CNTN1: variants seen among roughly 807,000 people sequenced by gnomAD.
CNTN1 encodes contactin 1, also known as contactin-1.
In CNTN1, 38 loss-of-function variants were observed where a neutral mutation model predicts 126.4. That is an observed-to-expected ratio of 0.30 (90% CI 0.23 to 0.39). The LOEUF (loss-of-function observed/expected upper bound fraction) is 0.39. CNTN1 is among the 10% of genes least tolerant of loss of function. The pLI is 1.00. For missense variants in CNTN1, 1,009 were observed against 1,248.4 expected (o/e 0.81, Z 2.89); for synonymous variants, 413 against 422.6 (o/e 0.98, Z 0.28).
intron 1 of CNTN1, among the ~76,000 whole-genome samples, chr12:40,769,743 A>T (rs1019514279): frequency 2.8e-4 from 43 of 152,040 alleles, no homozygotes; most frequent in African/African-American, 1.0e-3. Flanking sequence ...AGTTCCCTTA[A>T]ATTTTGCACC....
At chr12:41,030,543 A>G (rs1949126136) in intron 23 of CNTN1, among the ~76,000 whole-genome samples, 1 of 152,174 alleles carries the variant, frequency 6.6e-6, no homozygotes, top group Non-Finnish European at 1.5e-5. Context: ...CACTCTGTAT[A>G]CATATATAAT....
At chr12:40,921,554 TATG>T (rs1281873326) in intron 4 of CNTN1, among the ~76,000 whole-genome samples, 1 of 152,214 alleles carries the variant, frequency 6.6e-6, no homozygotes, top group African/African-American at 2.4e-5. Flanking sequence ...CTTATATTGT[TATG>T]ATATTATGTG....
At chr12:40,838,054 C>T (rs546883624) in intron 1 of CNTN1, among the ~76,000 whole-genome samples, 1 of 152,352 alleles carries the variant, frequency 6.6e-6, no homozygotes, top group African/African-American at 2.4e-5. Context: ...ACCCCACCCA[C>T]AATGGTTGGT....
chr12:40,809,497 T>C (rs1424374737), intron 1 of CNTN1, among the ~76,000 whole-genome samples: 1 of 152,094 alleles, frequency 6.6e-6, no homozygotes, highest in African/African-American at 2.4e-5. Context: ...CTTGAACCTA[T>C]AGTCAAGTAA....
At chr12:40,778,964 A>G (rs140143998) in intron 1 of CNTN1, among the ~76,000 whole-genome samples, 1 of 151,788 alleles carries the variant, frequency 6.6e-6, no homozygotes, top group Non-Finnish European at 1.5e-5. Flanking sequence ...AGTAGTTGAA[A>G]CCTTTCCTTT....
At chr12:40,888,195 T>C (rs1032056212) in intron 1 of CNTN1, among the ~76,000 whole-genome samples, 3 of 152,126 alleles carry the variant, frequency 2.0e-5, no homozygotes, top group African/African-American at 7.2e-5. Flanking sequence ...TATCCTAATT[T>C]ATAGTGATAA....
At chr12:40,748,491 AGATT>A (rs931919664) in intron 1 of CNTN1, among the ~76,000 whole-genome samples, 3 of 152,128 alleles carry the variant, frequency 2.0e-5, no homozygotes, top group African/African-American at 7.2e-5. Context: ...AACTTTCTAA[AGATT>A]GATTGTGCAC....
intron 1 of CNTN1, among the ~76,000 whole-genome samples, chr12:40,754,651 AT>A (rs1361688111): frequency 6.6e-6 from 1 of 151,924 alleles, no homozygotes. Context: ...TCTAACAGTT[AT>A]TTGTATTTTG....
At chr12:40,882,329 A>T (rs1565879966) in intron 1 of CNTN1, among the ~76,000 whole-genome samples, 1 of 151,810 alleles carries the variant, frequency 6.6e-6, no homozygotes. Flanking sequence ...ATACCTCATC[A>T]GTATATTTAT....
intron 1 of CNTN1, among the ~76,000 whole-genome samples, chr12:40,864,970 G>T (rs911674361): frequency 3.3e-5 from 5 of 152,066 alleles, no homozygotes; most frequent in African/African-American, 4.8e-5. Flanking sequence ...ATGAATAAAG[G>T]TTCCTTTTTC....
At chr12:40,984,553 T>C (rs278919) in intron 16 of CNTN1, among the ~76,000 whole-genome samples, 73,877 of 151,980 alleles carry the variant, frequency 0.49, 17,972 homozygotes, top group Admixed American at 0.51. Flanking sequence ...AGTTCTTGCA[T>C]GAGCTAATAA....
rs1313032406 is a variant in CNTN1, at chr12:41,025,185, T to A, written c.2559T>A (p.Ala853=). The change falls in exon 21 of 24, where the codon GCT becomes GCA. Residue 853 remains alanine (A), a synonymous_variant. Coordinates refer to ENST00000551295, the MANE Select transcript of CNTN1 (RefSeq NM_001843.4). ...RYWAAHDKEE[A]ANRVQVTSQE... ...GGGCTGCCCATGACAAAGAAGAAGC[T>A]GCAAACAGAGTTCAAGTCACCAGCC... 1.2e-6 allele frequency: 2 copies of A among 1,613,942 alleles called. No individual in the cohort carries two copies.
rs566108116 is a variant in CNTN1 at position 40,713,514 on chromosome 12, T to C, written c.-77+20922T>C. On this transcript the variant is annotated intron_variant, in intron 1 of 23. Coordinates refer to ENST00000551295, the MANE Select transcript of CNTN1 (RefSeq NM_001843.4). ...AGTGATTTCTGTTTCTTTATGCTAATAACCTATTGATTATTTGGAATATTA... is the reference window on the plus strand; with the variant it reads ...AGTGATTTCTGTTTCTTTATGCTAACAACCTATTGATTATTTGGAATATTA... 2.0e-5 allele frequency among the ~76,000 whole-genome samples: 3 copies of C among 151,848 alleles called. No homozygotes were observed. The South Asian group carries it at 6.2e-4, about 31-fold the overall frequency.
In CNTN1 at chr12:41,002,554, C is replaced by CTTTTTTTTTTTTTTTTTTT. The variant is rs200237008; in HGVS notation, c.2113+9288_2113+9289insTTTTTTTTTTTTTTTTTTT. Among the ~76,000 whole-genome samples, 2 of 131,514 alleles carry CTTTTTTTTTTTTTTTTTTT rather than the reference C, an allele frequency of 1.5e-5. 1 individual carries two copies. Among genetic ancestry groups the CTTTTTTTTTTTTTTTTTTT allele is most frequent in the African/African-American group, 6.2e-5 (2 of 32,374 alleles). 86.3% of individuals were successfully genotyped at this position (131,514 alleles called of 152,430 possible). Reference sequence around the variant, plus strand: ...CTTTTGGGCTGAGACTATAGGGTTTCTTTCTTTTTTTTTTTTTTTTTGAGA... The same window carrying CTTTTTTTTTTTTTTTTTTT: ...CTTTTGGGCTGAGACTATAGGGTTTCTTTTTTTTTTTTTTTTTTTTTTCTTTTTTTTTTTTTTTTTGAGA... On this transcript the variant is annotated intron_variant, in intron 17 of 23. Coordinates refer to ENST00000551295, the MANE Select transcript of CNTN1 (RefSeq NM_001843.4).
At chr12:40,840,447 T>G (rs1348556057) in intron 1 of CNTN1, among the ~76,000 whole-genome samples, 1 of 151,778 alleles carries the variant, frequency 6.6e-6, no homozygotes. Flanking sequence ...AGACAGAAAA[T>G]CAGCAAAGAA....
chr12:41,019,991 A>T (rs1037922877), intron 19 of CNTN1, among the ~76,000 whole-genome samples: 10 of 152,096 alleles, frequency 6.6e-5, no homozygotes, highest in African/African-American at 1.2e-4. Flanking sequence ...GAGAGAAATT[A>T]AAAAAATAGT....
intron 23 of CNTN1, among the ~76,000 whole-genome samples, chr12:41,047,972 C>A (rs970284863): frequency 6.6e-6 from 1 of 152,050 alleles, no homozygotes; most frequent in East Asian, 1.9e-4. Flanking sequence ...TGTCCCTTAC[C>A]TTCCTTGTAT....
Position 40,730,142 on chromosome 12 carries a change from C to T in CNTN1, c.-77+37550C>T, listed in dbSNP as rs142780951. On this transcript the variant is annotated intron_variant, in intron 1 of 23. Transcript: ENST00000551295. The stretch of plus-strand genomic sequence containing the variant: ...TGTCCCCTCCCTCTAAATCTTTCTA[C>T]ACACCCATTTTCTCATTATCAGGCT... 1.5e-4 allele frequency among the ~76,000 whole-genome samples: 23 copies of T among 152,298 alleles called. No homozygotes were observed. The East Asian group carries it at 2.5e-3, about 17-fold the overall frequency.
intron 23 of CNTN1, among the ~76,000 whole-genome samples, 187 bp downstream of exon 23, chr12:41,029,406 A>G (rs1949097619): frequency 6.6e-6 from 1 of 152,204 alleles, no homozygotes. Context: ...AGTCTGTGAC[A>G]TACCACATAC....
Sources: allele counts gnomAD v4.1 joint callset (sites outside exome capture counted in the v4.1 genomes callset), GRCh38; gene constraint gnomAD v4.1.1; transcripts MANE v1.5; gene names NCBI Gene and HGNC (gene_info 2026-07-23, HGNC 2026-07-21).